The following ANKRD55 variants were observed in gnomAD, a reference collection of about 807,000 sequenced individuals.
ANKRD55 encodes ankyrin repeat domain-containing protein 55.
Under a neutral mutation model 60.6 loss-of-function variants are expected in ANKRD55, and 41 were observed. The observed-to-expected ratio is 0.68, with a 90% CI of 0.53 to 0.88. The LOEUF (loss-of-function observed/expected upper bound fraction) is 0.88, where lower values mean the gene tolerates loss of function less well. Among genes scored for constraint, ANKRD55 ranks in the 40% least tolerant of loss-of-function variants. The pLI, the probability that ANKRD55 is intolerant of heterozygous loss-of-function variation, is 0.00. For missense variants in ANKRD55, 732 were observed against 767.6 expected, an observed-to-expected ratio of 0.95 and a Z score of 0.55; for synonymous variants, 264 against 290.3, an observed-to-expected ratio of 0.91 and a Z score of 0.92.
chr5:56,107,403 T>G (rs1339675547), intron 10 of ANKRD55, among the ~76,000 whole-genome samples: 1 of 152,198 alleles, frequency 6.6e-6, no homozygotes, highest in African/African-American at 2.4e-5. Flanking sequence ...TATTTCATTG[T>G]GTAAGTGAGC....
intron 2 of ANKRD55, among the ~76,000 whole-genome samples, chr5:56,198,299 GT>G (rs535901595): frequency 6.6e-4 from 100 of 150,680 alleles, no homozygotes; most frequent in African/African-American, 2.3e-3. Flanking sequence ...TATTATTACT[GT>G]TTTTTTTTCT....
intron 3 of ANKRD55, among the ~76,000 whole-genome samples, chr5:56,178,000 T>A (rs900208146): frequency 6.6e-6 from 1 of 152,150 alleles, no homozygotes; most frequent in Non-Finnish European, 1.5e-5. Context: ...TATTTTACAA[T>A]TATGTATTGA....
At chr5:56,183,012 G>A (rs1758883978) in intron 3 of ANKRD55, among the ~76,000 whole-genome samples, 1 of 152,152 alleles carries the variant, frequency 6.6e-6, no homozygotes, top group Admixed American at 6.5e-5. Context: ...CATCAGCTCT[G>A]GGAGAGACAA....
At chr5:56,111,065 G>C in intron 10 of ANKRD55, 53 bp downstream of exon 10, 2 of 1,564,180 alleles carry the variant, frequency 1.3e-6, no homozygotes, top group Non-Finnish European at 1.7e-6. Flanking sequence ...AACTGTACGG[G>C]ACATTTCCAG....
chr5:56,135,335 C>CTT lies in ANKRD55; in HGVS notation c.613-8231_613-8230dup, dbSNP rs1220413218. ...TCTTTCTTTCTTTCTTTCTTTCTTT[C>CTT]TTTCTTTCTTTCTTTCTTTCTTTCT... On this transcript the variant is annotated intron_variant, in intron 7 of 11. Coordinates refer to ENST00000341048, the MANE Select transcript of ANKRD55 (RefSeq NM_024669.3). 1.4e-3 allele frequency among the ~76,000 whole-genome samples: 26 copies of CTT among 18,118 alleles called. 2 individuals are homozygous for CTT. The highest frequency in any genetic ancestry group is 7.7e-3 in the African/African-American group (20 of 2,588). 11.9% of individuals were successfully genotyped at this position (18,118 alleles called of 152,430 possible). A position where few individuals can be genotyped will look rare whatever the true frequency, so the allele number is the denominator to read the frequency against.
intron 7 of ANKRD55, among the ~76,000 whole-genome samples, chr5:56,139,123 C>A (rs533473211): frequency 6.6e-6 from 1 of 152,168 alleles, no homozygotes; most frequent in Admixed American, 6.5e-5. Context: ...CATATTTCTG[C>A]AATCTTCCTC....
intron 7 of ANKRD55, 23 bp from the exon 8 acceptor site, chr5:56,127,129 G>A (rs376881206): frequency 1.1e-5 from 17 of 1,584,846 alleles, no homozygotes; most frequent in Non-Finnish European, 1.5e-5. Context: ...GTCAAAGAAA[G>A]CCCATTATGT....
chr5:56,102,067 G>A (rs574505668), intron 11 of ANKRD55, among the ~76,000 whole-genome samples: 1 of 152,198 alleles, frequency 6.6e-6, no homozygotes, highest in African/African-American at 2.4e-5. Context: ...TAATTTATAA[G>A]TGTTGGCACC....
intron 5 of ANKRD55, among the ~76,000 whole-genome samples, chr5:56,160,590 T>C (rs532750936): frequency 1.3e-5 from 2 of 152,348 alleles, no homozygotes; most frequent in South Asian, 4.1e-4. Context: ...ATTCACTTTA[T>C]AGAAACTTAC....
chr5:56,176,249 C>T lies in ANKRD55; in HGVS notation c.215G>A (p.Arg72His), dbSNP rs757942486. Residue 72 changes from arginine to histidine, a missense_variant, in exon 4 of 12, where the codon CGT becomes CAT. Transcript: ENST00000341048. ...CTPLMHAVSGRQADTVKLLLK... is the reference protein window; with the variant it reads ...CTPLMHAVSGHQADTVKLLLK... ...CAGCAGCTTCACTGTGTCCGCTTGA[C>T]GTCCAGAAACCGCATGCATCAAGGG... 16 of 1,614,094 alleles carry T rather than the reference C, an allele frequency of 9.9e-6. No homozygotes were observed. The highest frequency in any genetic ancestry group is 1.3e-5 in the Non-Finnish European group (15 of 1,180,044).
At chr5:56,185,052 C>A (rs940586308) in intron 2 of ANKRD55, among the ~76,000 whole-genome samples, 1 of 151,942 alleles carries the variant, frequency 6.6e-6, no homozygotes, top group Admixed American at 6.6e-5. Context: ...GAAACCCAGT[C>A]TCTACTAAAA....
intron 2 of ANKRD55, among the ~76,000 whole-genome samples, chr5:56,189,705 T>G (rs1759049193): frequency 6.6e-6 from 1 of 152,240 alleles, no homozygotes. Context: ...ATGCATCACA[T>G]TTTGTTTATT....
At chr5:56,188,193 C>A (rs1759016714) in intron 2 of ANKRD55, among the ~76,000 whole-genome samples, 1 of 151,994 alleles carries the variant, frequency 6.6e-6, no homozygotes, top group Non-Finnish European at 1.5e-5. Flanking sequence ...CCAATTAGAG[C>A]CCACGAAAAG....
intron 7 of ANKRD55, among the ~76,000 whole-genome samples, chr5:56,140,114 A>T (rs1356236559): frequency 6.6e-6 from 1 of 152,204 alleles, no homozygotes; most frequent in Admixed American, 6.5e-5. Flanking sequence ...TGATCTCATT[A>T]TATGGTCCAA....
chr5:56,139,271 A>T lies in ANKRD55; in HGVS notation c.612+4530T>A, dbSNP rs903942881. Among the ~76,000 whole-genome samples the T allele has an allele frequency of 2.6e-5, 4 of 152,192 alleles. No homozygotes were observed. In the East Asian group the frequency reaches 7.7e-4, roughly 29 times the overall value. ...TGAATAAATTTATTGGAGTGAATTC[A>T]ATGAACACCTCTTTAGGGACCTACG... On this transcript the variant is annotated intron_variant, in intron 7 of 11. Transcript: ENST00000341048.
At chr5:56,168,561 G>A (rs897137733) in intron 5 of ANKRD55, among the ~76,000 whole-genome samples, 2 of 152,110 alleles carry the variant, frequency 1.3e-5, no homozygotes, top group African/African-American at 2.4e-5. Context: ...ATCTCTTACT[G>A]CGCCTAATTT....
intron 8 of ANKRD55, among the ~76,000 whole-genome samples, chr5:56,122,510 T>G (rs556140887): frequency 1.3e-5 from 2 of 151,214 alleles, no homozygotes; most frequent in South Asian, 4.2e-4. Flanking sequence ...AAACCCAAAA[T>G]TAGCCAGGCA....
chr5:56,223,732 A>G (rs1477386027), intron 2 of ANKRD55, among the ~76,000 whole-genome samples: 1 of 152,234 alleles, frequency 6.6e-6, no homozygotes, highest in Non-Finnish European at 1.5e-5. Flanking sequence ...CAAAGATCAG[A>G]AGAGACAAAG....
intron 10 of ANKRD55, 174 bp downstream of exon 10, chr5:56,110,944 A>G: frequency 1.4e-6 from 1 of 701,094 alleles, no homozygotes; most frequent in Non-Finnish European, 2.3e-6. Flanking sequence ...GAATGTTTTC[A>G]CAGCTCAGAA....
Sources: allele counts gnomAD v4.1 joint callset (sites outside exome capture counted in the v4.1 genomes callset), GRCh38; gene constraint gnomAD v4.1.1; transcripts MANE v1.5; gene names NCBI Gene and HGNC (gene_info 2026-07-23, HGNC 2026-07-21).